Variants in SHQ1 observed in about 807,000 individuals in gnomAD.
The protein encoded by SHQ1 is SHQ1, H/ACA ribonucleoprotein assembly factor.
A neutral mutation model predicts 53.8 loss-of-function variants in SHQ1; 49 were observed. That is an observed-to-expected ratio of 0.91 (90% CI 0.72 to 1.16). The LOEUF (loss-of-function observed/expected upper bound fraction) is 1.16, where lower values mean the gene tolerates loss of function less well. SHQ1 is among the 50% of genes most tolerant of loss of function. The probability of loss-of-function intolerance (pLI) is 0.00; values close to 1 mark genes in which losing one functional copy is unlikely to be tolerated. For missense variants in SHQ1, 738 were observed against 683.1 expected (o/e 1.08, Z -0.90); for synonymous variants, 243 against 251.0 (o/e 0.97, Z 0.30).
intron 10 of SHQ1, among the ~76,000 whole-genome samples, chr3:72,767,930 G>A (rs977417736): frequency 2.0e-5 from 3 of 152,130 alleles, no homozygotes; most frequent in Non-Finnish European, 4.4e-5. Context: ...TGCTTCCTGC[G>A]TGGGGCGGGA....
At chr3:72,753,495 C>T in intron 10 of SHQ1, 6 of 985,402 alleles carry the variant, frequency 6.1e-6, no homozygotes, top group Non-Finnish European at 7.2e-6. Flanking sequence ...CCCCTGCTGC[C>T]TCTTCACATG....
chr3:72,725,534 C>T, the SHQ1 span, among the ~76,000 whole-genome samples: 3 of 152,176 alleles, frequency 2.0e-5, no homozygotes, highest in South Asian at 2.1e-4. Flanking sequence ...CCCACTCCTC[C>T]GTTTCACTTC....
At chr3:72,820,355 A>G (rs893749873) in intron 6 of SHQ1, among the ~76,000 whole-genome samples, 1 of 152,290 alleles carries the variant, frequency 6.6e-6, no homozygotes, top group South Asian at 2.1e-4. Context: ...TTTCCCTAAA[A>G]CACTTCCACC....
At chr3:72,843,536 T>G (rs1708240522) in intron 2 of SHQ1, among the ~76,000 whole-genome samples, 1 of 152,212 alleles carries the variant, frequency 6.6e-6, no homozygotes, top group South Asian at 2.1e-4. Context: ...TGAACTGAAT[T>G]CCAACATATC....
At chr3:72,848,102 GCGCAATCGAGCACTGCTCT>G in intron 1 of SHQ1, 77 bp downstream of exon 1, 1 of 1,455,274 alleles carries the variant, frequency 6.9e-7, no homozygotes, top group Non-Finnish European at 9.5e-7. Flanking sequence ...AAAGGCATTC[GCGCAATCGAGCACTGCTCT>G]CTCGACCTTG....
Position 72,824,424 on chromosome 3 carries a change from CT to C in SHQ1, c.726del (p.Val243CysfsTer33). On this transcript the variant is annotated frameshift_variant and splice_region_variant, in exon 6 of 11. Transcript: ENST00000325599. LOFTEE classifies it high-confidence loss of function. The stretch of plus-strand genomic sequence containing the variant: ...AATTAGCCGAATTTGAGTTTCTTAC[CT>C]AATGTAGCATGATTTTCTTGTTCCT... ...KSQEQENHAT[L>X]VSFSEEEKYQ... 3 of 1,609,686 alleles carry C rather than the reference CT, an allele frequency of 1.9e-6. No homozygotes were observed. Among genetic ancestry groups the C allele is most frequent in the Non-Finnish European group, 2.5e-6 (3 of 1,179,266 alleles).
intron 10 of SHQ1, among the ~76,000 whole-genome samples, chr3:72,789,081 T>TAAAAAAAAAAAAAAAAAAAAAAATA (rs1205170855): frequency 1.6e-5 from 1 of 61,698 alleles, no homozygotes; most frequent in Non-Finnish European, 3.5e-5. Flanking sequence ...CAATAAACAC[T>TAAAAAAAAAAAAAAAAAAAAAAATA]AAAAAAAAAA....
chr3:72,816,869 G>A (rs2106873927), intron 7 of SHQ1, among the ~76,000 whole-genome samples: 1 of 152,256 alleles, frequency 6.6e-6, no homozygotes, highest in African/African-American at 2.4e-5. Flanking sequence ...ATATAAATGG[G>A]TATGGCAGTT....
At chr3:72,807,989 A>G (rs550667720) in intron 9 of SHQ1, among the ~76,000 whole-genome samples, 1 of 152,316 alleles carries the variant, frequency 6.6e-6, no homozygotes, top group South Asian at 2.1e-4. Context: ...TATTCATCAG[A>G]CTTCACATGT....
At chr3:72,842,180 C>T in intron 3 of SHQ1, 100 bp downstream of exon 3, 1 of 1,344,212 alleles carries the variant, frequency 7.4e-7, no homozygotes, top group Non-Finnish European at 1.0e-6. Flanking sequence ...GAAGTATTTT[C>T]TTCAATTTCC....
the SHQ1 span, among the ~76,000 whole-genome samples, chr3:72,743,796 T>C: frequency 2.6e-5 from 4 of 152,148 alleles, no homozygotes; most frequent in Admixed American, 6.6e-5. Context: ...GTAAATAAGA[T>C]AGGACACGCA....
chr3:72,823,768 G>A (rs986577043), intron 6 of SHQ1, among the ~76,000 whole-genome samples: 31 of 152,078 alleles, frequency 2.0e-4, no homozygotes, highest in Admixed American at 1.5e-3. Context: ...ATTACTTCCG[G>A]GAAGAAGAAC....
At chr3:72,738,911 G>A in the SHQ1 span, among the ~76,000 whole-genome samples, 2 of 151,788 alleles carry the variant, frequency 1.3e-5, no homozygotes, top group African/African-American at 4.8e-5. Flanking sequence ...GCCCCGCGAC[G>A]CCCGAGGACC....
chr3:72,772,018 A>G lies in SHQ1; in HGVS notation c.1181+20898T>C, dbSNP rs529376259. ...GCGACAGTGCAGGGGGAATTAATCC[A>G]CAAAATAAAGGCTTACGAAAGAGAA... On this transcript the variant is annotated intron_variant, in intron 10 of 10. Coordinates refer to ENST00000325599, the MANE Select transcript of SHQ1 (RefSeq NM_018130.3). Among the ~76,000 whole-genome samples the G allele has an allele frequency of 1.1e-4, 17 of 152,300 alleles. No homozygotes were observed. In the South Asian group the frequency reaches 2.9e-3, roughly 26 times the overall value.
rs921351191 is a variant in SHQ1 at position 72,812,942 on chromosome 3, A to G, written c.937-148T>C. ...TAGAAGAGAAACATAAAACCATGAA[A>G]TAAGATTCTTTTTGTATACTTTACA... On this transcript the variant is annotated intron_variant, in intron 8 of 10. Coordinates refer to ENST00000325599, the MANE Select transcript of SHQ1 (RefSeq NM_018130.3). 3 of 826,620 alleles carry G rather than the reference A, an allele frequency of 3.6e-6. No homozygotes were observed. In the African/African-American group the frequency reaches 5.2e-5, roughly 14 times the overall value. The allele number at this position is 826,620 out of a possible 1,614,324, so 51.2% of individuals were successfully genotyped here. A position where few individuals can be genotyped will look rare whatever the true frequency, so the allele number is the denominator to read the frequency against.
downstream of SHQ1, among the ~76,000 whole-genome samples, chr3:72,747,918 G>A (rs1705283843): frequency 6.6e-6 from 1 of 151,990 alleles, no homozygotes; most frequent in African/African-American, 2.4e-5. Context: ...GAACCCGAGA[G>A]ACAGAGGTTG....
At position 72,750,305 on chromosome 3, in the gene SHQ1, G is replaced by A; in HGVS notation, c.1713C>T (p.Gly571=). ...VNRSNIQERD[G]CQTPNN is the part of the protein sequence containing the mutation. ...AGAGTCAATTATTTGGTGTCTGACA[G>A]CCGTCTCTCTCCTGAATATTGCTGC... Residue 571 remains glycine (G), a synonymous_variant, in exon 11 of 11, where the codon GGC becomes GGT. Transcript: ENST00000325599. 6.2e-7 allele frequency: 1 copy of A among 1,609,246 alleles called. No individual in the cohort carries two copies. Among genetic ancestry groups the A allele is most frequent in the Non-Finnish European group, 8.5e-7 (1 of 1,177,990 alleles).
chr3:72,759,978 T>C (rs1459237014), intron 10 of SHQ1, among the ~76,000 whole-genome samples: 1 of 152,194 alleles, frequency 6.6e-6, no homozygotes. Context: ...GTATCATCAG[T>C]TTCCTCAAGG....
chr3:72,725,838 A>C, the SHQ1 span, among the ~76,000 whole-genome samples: 16 of 152,160 alleles, frequency 1.1e-4, no homozygotes, highest in African/African-American at 3.9e-4. Flanking sequence ...CCTGGCTGTT[A>C]GACTCCCCAG....
Sources: gnomAD v4.1 joint callset for allele counts (sites outside exome capture counted in the v4.1 genomes callset) on GRCh38, gnomAD v4.1.1 for gene constraint, MANE v1.5 for transcripts, NCBI Gene and HGNC (gene_info 2026-07-23, HGNC 2026-07-21) for gene names.